Variants in ATP2B2 observed in about 807,000 individuals in gnomAD.
ATP2B2 encodes the protein ATPase plasma membrane Ca2+ transporting 2, also known as plasma membrane calcium-transporting ATPase 2.
ATP2B2 carries 15 observed loss-of-function variants against 120.0 expected under a neutral mutation model. The observed-to-expected ratio is 0.12, with a 90% CI of 0.08 to 0.19. The LOEUF is 0.19. ATP2B2 is among the 10% of genes least tolerant of loss of function. ATP2B2 has a pLI of 1.00. For synonymous variants in ATP2B2, 694 were observed against 700.3 expected (o/e 0.99, Z 0.14); for missense variants, 1,045 against 1,719.8 (o/e 0.61, Z 6.94).
At chr3:10,599,790 C>T (rs1397913334) in intron 2 of ATP2B2, among the ~76,000 whole-genome samples, 1 of 124,270 alleles carries the variant, frequency 8.0e-6, no homozygotes, top group African/African-American at 3.2e-5. Context: ...GAATGGAGCT[C>T]GTGTTCTATA....
At chr3:10,498,732 C>T (rs1474074928) in intron 1 of ATP2B2, among the ~76,000 whole-genome samples, 1 of 152,226 alleles carries the variant, frequency 6.6e-6, no homozygotes, top group African/African-American at 2.4e-5. Flanking sequence ...TCCTTCAAAG[C>T]TACATGGTGC....
chr3:10,407,369 G>T (rs1251116528), intron 3 of ATP2B2, among the ~76,000 whole-genome samples: 1 of 152,210 alleles, frequency 6.6e-6, no homozygotes, highest in African/African-American at 2.4e-5. Context: ...TGGGTGCCAG[G>T]TTATAAATAA....
At chr3:10,625,392 C>T (rs1162368059) in intron 1 of ATP2B2, among the ~76,000 whole-genome samples, 7 of 152,144 alleles carry the variant, frequency 4.6e-5, no homozygotes, top group Admixed American at 4.6e-4. Flanking sequence ...CTTGCAGCTG[C>T]AGGGGAGATA....
chr3:10,416,440 T>TTGG (rs1423947503), intron 2 of ATP2B2, among the ~76,000 whole-genome samples: 1 of 152,210 alleles, frequency 6.6e-6, no homozygotes, highest in African/African-American at 2.4e-5. Context: ...TTAAAGAGGT[T>TTGG]TCATTTGGTC....
intron 2 of ATP2B2, among the ~76,000 whole-genome samples, chr3:10,581,735 A>G (rs569119428): frequency 6.6e-4 from 100 of 152,360 alleles, no homozygotes; most frequent in African/African-American, 2.3e-3. Context: ...AAACTCCTCC[A>G]AGGGCACAAT....
chr3:10,417,471 G>A (rs372026396), intron 2 of ATP2B2, among the ~76,000 whole-genome samples: 22 of 152,326 alleles, frequency 1.4e-4, no homozygotes, highest in African/African-American at 4.1e-4. Flanking sequence ...GAAGCTGGAC[G>A]GCCCACAATG....
At chr3:10,487,117 G>A (rs1575383133) in intron 1 of ATP2B2, among the ~76,000 whole-genome samples, 2 of 152,126 alleles carry the variant, frequency 1.3e-5, no homozygotes, top group East Asian at 3.9e-4. Context: ...TACCCAGCAT[G>A]TAGCAAGCAT....
At chr3:10,688,695 C>T (rs558309693) in intron 1 of ATP2B2, among the ~76,000 whole-genome samples, 5 of 152,284 alleles carry the variant, frequency 3.3e-5, no homozygotes, top group South Asian at 2.1e-4. Context: ...CTATGGCCAG[C>T]GGATGCAGCC....
intron 1 of ATP2B2, among the ~76,000 whole-genome samples, chr3:10,677,028 C>T (rs773178210): frequency 2.0e-5 from 3 of 152,186 alleles, no homozygotes; most frequent in Non-Finnish European, 4.4e-5. Flanking sequence ...TAAACACACT[C>T]TTACCATGTG....
intron 1 of ATP2B2, among the ~76,000 whole-genome samples, chr3:10,486,326 T>TGTGTGCGTGCGTGTGTGC (rs386417995): frequency 9.5e-6 from 1 of 104,992 alleles, no homozygotes; most frequent in Non-Finnish European, 2.3e-5. Context: ...TGTGCGTGCG[T>TGTGTGCGTGCGTGTGTGC]GTGTGTGTGT....
chr3:10,668,877 C>T (rs943245264), intron 1 of ATP2B2, among the ~76,000 whole-genome samples: 2 of 152,226 alleles, frequency 1.3e-5, no homozygotes, highest in African/African-American at 2.4e-5. Flanking sequence ...AGGCAGCACA[C>T]AGTAGGCGCT....
At chr3:10,330,397 A>C (rs1574919147) in intron 22 of ATP2B2, 2 of 152,922 alleles carry the variant, frequency 1.3e-5, no homozygotes, top group African/African-American at 4.8e-5. Context: ...CGGGACCCTC[A>C]CTTGGAAGAG....
intron 5 of ATP2B2, among the ~76,000 whole-genome samples, chr3:10,392,421 C>G (rs2061883090): frequency 6.6e-6 from 1 of 152,194 alleles, no homozygotes; most frequent in Non-Finnish European, 1.5e-5. Flanking sequence ...GGGGCATTCC[C>G]TAGACCGTTC....
intron 1 of ATP2B2, among the ~76,000 whole-genome samples, chr3:10,647,114 TACA>T (rs2070342130): frequency 6.6e-6 from 1 of 152,152 alleles, no homozygotes; most frequent in South Asian, 2.1e-4. Context: ...CCTTCTGCAG[TACA>T]ACGATTTGGG....
chr3:10,624,781 CTA>C (rs1459706762), intron 1 of ATP2B2, among the ~76,000 whole-genome samples: 1 of 152,228 alleles, frequency 6.6e-6, no homozygotes, highest in East Asian at 1.9e-4. Flanking sequence ...TAACTATTAA[CTA>C]AAGAGGAAAA....
At chr3:10,591,492 C>T (rs2068643292) in intron 2 of ATP2B2, among the ~76,000 whole-genome samples, 1 of 152,052 alleles carries the variant, frequency 6.6e-6, no homozygotes, top group African/African-American at 2.4e-5. Context: ...CTGCTCTCTC[C>T]CCCTCAAATC....
chr3:10,575,972 C>T (rs531569677), intron 2 of ATP2B2, among the ~76,000 whole-genome samples: 8 of 152,336 alleles, frequency 5.3e-5, no homozygotes, highest in Admixed American at 2.0e-4. Flanking sequence ...TCCAGGGATG[C>T]GTGGCCCTTA....
rs112098821 is a variant in ATP2B2, at chr3:10,516,962, A to ATGTGTG, written c.-320+17071_-320+17076dup. Among the ~76,000 whole-genome samples the ATGTGTG allele has an allele frequency of 6.7e-3, 999 of 149,814 alleles. 6 individuals carry two copies. Among genetic ancestry groups the ATGTGTG allele is most frequent in the African/African-American group, 0.023 (931 of 40,994 alleles). On this transcript the variant is annotated intron_variant, in intron 3 of 21. Coordinates refer to the ATP2B2 transcript ENST00000646379. ...GCTTGTTTAGATCTACAATTTTCAGATGTGTGTGTGTGTGTGTGTGTGTTT... is the reference window on the plus strand; with the variant it reads ...GCTTGTTTAGATCTACAATTTTCAGATGTGTGTGTGTGTGTGTGTGTGTGTGTGTTT...
rs112011727 is a variant in ATP2B2 at position 10,579,191 on chromosome 3, T to C, written c.-415+40726A>G. On this transcript the variant is annotated intron_variant, in intron 2 of 21. Transcript: ENST00000646379. ...CTCATAGTGGATGCTCAACCAACGA[T>C]TGCTAAAGATAAGTTGAAGTTTTGT... 1.3e-3 allele frequency among the ~76,000 whole-genome samples: 199 copies of C among 152,288 alleles called. 2 individuals are homozygous for C. Among genetic ancestry groups the C allele is most frequent in the African/African-American group, 4.5e-3 (189 of 41,560 alleles).
Sources: gnomAD v4.1 joint callset for allele counts (sites outside exome capture counted in the v4.1 genomes callset) on GRCh38, gnomAD v4.1.1 for gene constraint, MANE v1.5 for transcripts, NCBI Gene and HGNC (gene_info 2026-07-23, HGNC 2026-07-21) for gene names.